ARMC9: variants seen among roughly 807,000 people sequenced by gnomAD.
ARMC9 encodes the protein lisH domain-containing protein ARMC9.
In ARMC9, 94 loss-of-function variants were observed where a neutral mutation model predicts 107.0. That is an observed-to-expected ratio of 0.88 (90% CI 0.74 to 1.04). The LOEUF (loss-of-function observed/expected upper bound fraction) is 1.04, where lower values mean the gene tolerates loss of function less well. Among genes scored for constraint, ARMC9 ranks in the 50% least tolerant of loss-of-function variants. ARMC9 has a pLI of 0.00. For synonymous variants in ARMC9, 380 were observed against 396.9 expected, an observed-to-expected ratio of 0.96 and a Z score of 0.51; for missense variants, 942 against 1,030.1, an observed-to-expected ratio of 0.91 and a Z score of 1.17.
chr2:231,252,668 ACT>A (rs2037407347), intron 9 of ARMC9, among the ~76,000 whole-genome samples: 1 of 150,282 alleles, frequency 6.7e-6, no homozygotes, highest in South Asian at 2.1e-4. Flanking sequence ...ACAGGGTCTC[ACT>A]CTGTTGCCCA....
At chr2:231,300,977 C>T (rs2041685235) in intron 19 of ARMC9, among the ~76,000 whole-genome samples, 1 of 151,982 alleles carries the variant, frequency 6.6e-6, no homozygotes, top group African/African-American at 2.4e-5. Context: ...TTTGCCTCTC[C>T]ACTGCACTCA....
chr2:231,233,409 G>A (rs2035420319), intron 7 of ARMC9, among the ~76,000 whole-genome samples: 1 of 152,100 alleles, frequency 6.6e-6, no homozygotes, highest in South Asian at 2.1e-4. Context: ...ATCTTTATTT[G>A]TGGGTGATTC....
chr2:231,208,534 C>T (rs2032364174), intron 3 of ARMC9, among the ~76,000 whole-genome samples: 1 of 152,216 alleles, frequency 6.6e-6, no homozygotes, highest in Non-Finnish European at 1.5e-5. Context: ...TAGCCTTCCT[C>T]CTGAGGAGTT....
chr2:231,322,754 A>G (rs1400914808), intron 19 of ARMC9, among the ~76,000 whole-genome samples: 2 of 152,148 alleles, frequency 1.3e-5, no homozygotes, highest in African/African-American at 4.8e-5. Flanking sequence ...ACTGAGCTCT[A>G]ACATTAGTAA....
At chr2:231,327,378 TGTTCTCC>T (rs1168313670) in intron 19 of ARMC9, among the ~76,000 whole-genome samples, 1 of 152,244 alleles carries the variant, frequency 6.6e-6, no homozygotes, top group Non-Finnish European at 1.5e-5. Flanking sequence ...ACCACTAATC[TGTTCTCC>T]ATTTCTATAA....
intron 9 of ARMC9, among the ~76,000 whole-genome samples, chr2:231,243,631 C>G (rs1321596072): frequency 6.6e-6 from 1 of 152,178 alleles, no homozygotes; most frequent in Non-Finnish European, 1.5e-5. Context: ...GATAACCATT[C>G]TCCTTCTACT....
At chr2:231,256,675 G>T (rs565930480) in intron 10 of ARMC9, 55 bp downstream of exon 10, 1 of 1,569,914 alleles carries the variant, frequency 6.4e-7, no homozygotes, top group African/African-American at 1.4e-5. Flanking sequence ...GTGTAAAACG[G>T]GAATTCAAAG....
chr2:231,301,075 G>A lies in ARMC9; in HGVS notation c.1773+4822G>A, dbSNP rs772109544. On this transcript the variant is annotated intron_variant, in intron 19 of 24. Coordinates refer to ENST00000611582, the MANE Select transcript of ARMC9 (RefSeq NM_001352754.2). ...AAGATGCACACACAGAGTACACGGA[G>A]GTATGTACTACACACAGATCCATAT... Among the ~76,000 whole-genome samples, 32 of 152,218 alleles carry A rather than the reference G, an allele frequency of 2.1e-4. No individual in the cohort carries two copies. The South Asian group carries it at 2.5e-3, about 12-fold the overall frequency.
chr2:231,291,470 C>A, intron 18 of ARMC9, 27 bp downstream of exon 18: 2 of 1,595,530 alleles, frequency 1.3e-6, no homozygotes, highest in South Asian at 2.2e-5. Flanking sequence ...AATCTTTGAT[C>A]TATCTTTTGA....
At position 231,362,245 on chromosome 2, in the gene ARMC9, C is replaced by T. The variant is rs1470633961; in HGVS notation, c.2261+1362C>T. On this transcript the variant is annotated intron_variant, in intron 23 of 24. Coordinates refer to ENST00000611582, the MANE Select transcript of ARMC9 (RefSeq NM_001352754.2). The surrounding 1 kb of genome is among the most constrained non-coding windows in gnomAD (Gnocchi z 4.7). Reference sequence around the variant, plus strand: ...GGGGTTCTCAGGCTCTCAGCATCCCCCTGAAATGGGGACTCAAAATGAGAG... The same window carrying T: ...GGGGTTCTCAGGCTCTCAGCATCCCTCTGAAATGGGGACTCAAAATGAGAG... Among the ~76,000 whole-genome samples the T allele has an allele frequency of 6.6e-6, 1 of 152,148 alleles. No individual in the cohort carries two copies. The highest frequency in any genetic ancestry group is 2.4e-5 in the African/African-American group (1 of 41,430).
chr2:231,291,429 A>G lies in ARMC9; in HGVS notation c.1703A>G (p.Lys568Arg). ...EMIRQIEFII[K>R]QLNSEELPDG... ...ATCCGCCAGATAGAATTCATCATCA[A>G]GCAGCTAAATTCCGGTCAGTTTGAT... Residue 568 changes from lysine (K) to arginine (R), a missense_variant, in exon 18 of 25, where the codon AAG becomes AGG. Coordinates refer to ENST00000611582, the MANE Select transcript of ARMC9 (RefSeq NM_001352754.2). The G allele has an allele frequency of 3.1e-6, 5 of 1,613,508 alleles. No individual in the cohort carries two copies. The highest frequency in any genetic ancestry group is 4.2e-6 in the Non-Finnish European group (5 of 1,179,716).
In ARMC9 at chr2:231,234,276, C is replaced by T. The variant is rs557126459; in HGVS notation, c.623-948C>T. On this transcript the variant is annotated intron_variant, in intron 7 of 24. Coordinates refer to ENST00000611582, the MANE Select transcript of ARMC9 (RefSeq NM_001352754.2). ...CCGATGAGGATTTGCCTATTCCTGC[C>T]GAGACCAGGGTGGCTTGGCTTCAGT... Among the ~76,000 whole-genome samples the T allele has an allele frequency of 3.0e-3, 462 of 152,250 alleles. 1 individual carries two copies. The highest frequency in any genetic ancestry group is 6.8e-3 in the Middle Eastern group (2 of 294).
At chr2:231,299,011 A>C (rs1437262000) in intron 19 of ARMC9, among the ~76,000 whole-genome samples, 1 of 152,150 alleles carries the variant, frequency 6.6e-6, no homozygotes, top group African/African-American at 2.4e-5. Context: ...CATTGAGCTG[A>C]AATCTGTGCG....
chr2:231,217,237 C>T (rs528720938), intron 5 of ARMC9, among the ~76,000 whole-genome samples: 2 of 152,314 alleles, frequency 1.3e-5, no homozygotes, highest in African/African-American at 4.8e-5. Context: ...TTTGTATATA[C>T]ATCAAAGCAA....
Position 231,214,800 on chromosome 2 carries a change from C to T in ARMC9, c.178-31C>T, listed in dbSNP as rs553468149. 47 of 1,599,104 alleles carry T rather than the reference C, an allele frequency of 2.9e-5. No individual in the cohort carries two copies. In the Middle Eastern group the frequency reaches 5.0e-4, roughly 17 times the overall value. ...GAATTTTGGGTGTTGAAATTTACAA[C>T]GAGGTATGTAGTCTGATGTCTTCTC... On this transcript the variant is annotated intron_variant, in intron 3 of 24. Transcript: ENST00000611582.
intron 9 of ARMC9, among the ~76,000 whole-genome samples, chr2:231,243,780 G>T (rs943252978): frequency 6.6e-6 from 1 of 152,200 alleles, no homozygotes; most frequent in African/African-American, 2.4e-5. Flanking sequence ...GACTAGACAT[G>T]CATATATAAA....
intron 1 of ARMC9, among the ~76,000 whole-genome samples, chr2:231,199,259 C>G (rs975830213): frequency 6.6e-6 from 1 of 152,206 alleles, no homozygotes. Flanking sequence ...AAAAGTTTTT[C>G]TTAGTTTCCG....
chr2:231,313,414 C>T (rs2042466451), intron 19 of ARMC9, among the ~76,000 whole-genome samples: 1 of 152,182 alleles, frequency 6.6e-6, no homozygotes, highest in Non-Finnish European at 1.5e-5. Context: ...TTAATCCAGT[C>T]CGACAATCTG....
chr2:231,363,296 G>A (rs549478574), intron 23 of ARMC9, among the ~76,000 whole-genome samples: 4 of 152,346 alleles, frequency 2.6e-5, no homozygotes, highest in African/African-American at 9.6e-5. Context: ...CAACTTCCCC[G>A]AGCTCTGTTC....
Sources: allele counts gnomAD v4.1 joint callset (sites outside exome capture counted in the v4.1 genomes callset), GRCh38; gene constraint gnomAD v4.1.1; non-coding constraint Gnocchi (gnomAD v3.1); transcripts MANE v1.5; gene names NCBI Gene and HGNC (gene_info 2026-07-23, HGNC 2026-07-21).